Variants in RFC3 observed in about 807,000 individuals in gnomAD.
RFC3 encodes A1 38 kDa subunit.
Under a neutral mutation model 45.1 loss-of-function variants are expected in RFC3, and 41 were observed. The ratio of observed to expected loss-of-function variants is 0.91; its 90% CI spans 0.71 to 1.18. The LOEUF (loss-of-function observed/expected upper bound fraction) is 1.18, where lower values mean the gene tolerates loss of function less well. Ranked by LOEUF, RFC3 falls within the 50% of genes most tolerant of loss-of-function variation. The probability of loss-of-function intolerance (pLI) is 0.00; values close to 1 mark genes in which losing one functional copy is unlikely to be tolerated. For synonymous variants in RFC3, 149 were observed against 144.0 expected (o/e 1.03, Z -0.25); for missense variants, 423 against 428.1 (o/e 0.99, Z 0.10).
intron 8 of RFC3, among the ~76,000 whole-genome samples, chr13:33,913,336 A>G (rs1456259418): frequency 6.6e-6 from 1 of 152,114 alleles, no homozygotes; most frequent in East Asian, 1.9e-4. Context: ...AGAAAAATCT[A>G]GATGGGGCTG....
At chr13:33,976,458 T>C in the RFC3 span, among the ~76,000 whole-genome samples, 1 of 151,960 alleles carries the variant, frequency 6.6e-6, no homozygotes, top group Non-Finnish European at 1.5e-5. Context: ...GGTTAAGAGG[T>C]ACAAAAATAC....
chr13:33,915,439 C>T (rs148106423), intron 8 of RFC3, among the ~76,000 whole-genome samples: 2,211 of 152,234 alleles, frequency 0.015, 38 homozygotes, highest in Non-Finnish European at 0.024. Flanking sequence ...AATCTGAAAA[C>T]ATGCTTTGCA....
At chr13:33,891,117 G>A (rs979310835) in intron 8 of RFC3, among the ~76,000 whole-genome samples, 1 of 152,146 alleles carries the variant, frequency 6.6e-6, no homozygotes, top group South Asian at 2.1e-4. Flanking sequence ...ACTCCACCAC[G>A]TTTAGTGGTT....
At chr13:33,840,079 C>T (rs2082186478), downstream of RFC3, among the ~76,000 whole-genome samples, 1 of 152,086 alleles carries the variant, frequency 6.6e-6, no homozygotes, top group Non-Finnish European at 1.5e-5. Context: ...TAAGAAGCGT[C>T]TTGGTGCGAT....
Position 33,837,059 on chromosome 13 carries a change from G to C in RFC3, c.*764G>C. 5 of 983,424 alleles carry C rather than the reference G, an allele frequency of 5.1e-6. No individual in the cohort carries two copies. Among genetic ancestry groups the C allele is most frequent in the Non-Finnish European group, 6.0e-6 (5 of 828,164 alleles). 60.9% of individuals were successfully genotyped at this position (983,424 alleles called of 1,614,324 possible). A position where few individuals can be genotyped will look rare whatever the true frequency, so the allele number is the denominator to read the frequency against. ...ACCAAAGGGTTTACTTGACAAATTTGTGTGACAGACTCCGAACAATTCCTT... is the reference window on the plus strand; with the variant it reads ...ACCAAAGGGTTTACTTGACAAATTTCTGTGACAGACTCCGAACAATTCCTT... On this transcript the variant is annotated 3_prime_UTR_variant, in exon 9 of 9. Coordinates refer to ENST00000380071, the MANE Select transcript of RFC3 (RefSeq NM_002915.4).
chr13:33,949,166 A>G (rs1480478793), intron 8 of RFC3, among the ~76,000 whole-genome samples: 1 of 152,124 alleles, frequency 6.6e-6, no homozygotes, highest in Non-Finnish European at 1.5e-5. Flanking sequence ...AGTTTCCCCC[A>G]TGCTGCCCTC....
Position 33,823,964 on chromosome 13 carries a change from C to A in RFC3, c.273C>A (p.Tyr91Ter). ...AAATTAGCACCATTGCAAGTAACTACCACCTTGAAGTTAATCCTAGGTAAG... is the reference window on the plus strand; with the variant it reads ...AAATTAGCACCATTGCAAGTAACTAACACCTTGAAGTTAATCCTAGGTAAG... ...KIEISTIASNYHLEVNPSDAG... is the reference protein window; with the variant it reads ...KIEISTIASN The change falls in exon 3 of 9, where the codon TAC (tyrosine) becomes TAA (stop). Residue 91 changes from tyrosine (Y) to a stop codon, truncating the protein, a stop_gained. Transcript: ENST00000380071. LOFTEE classifies it high-confidence loss of function. The A allele has an allele frequency of 1.3e-6, 2 of 1,561,102 alleles. No individual in the cohort carries two copies. Among genetic ancestry groups the A allele is most frequent in the Non-Finnish European group, 1.8e-6 (2 of 1,139,048 alleles).
At chr13:33,848,019 T>G (rs936727385) in intron 8 of RFC3, 5 of 152,368 alleles carry the variant, frequency 3.3e-5, no homozygotes, top group Admixed American at 2.6e-4. Context: ...CTGGGTGACC[T>G]TATACATGCC....
intron 8 of RFC3, among the ~76,000 whole-genome samples, chr13:33,936,798 C>G (rs1460666232): frequency 6.6e-6 from 1 of 152,124 alleles, no homozygotes; most frequent in Non-Finnish European, 1.5e-5. Flanking sequence ...CATTCAATTT[C>G]TGGTACAGTT....
At chr13:33,910,930 G>T (rs2137699426) in intron 8 of RFC3, among the ~76,000 whole-genome samples, 1 of 151,964 alleles carries the variant, frequency 6.6e-6, no homozygotes, top group Middle Eastern at 3.4e-3. Context: ...CAGATCTCAT[G>T]AGAACCCTTT....
downstream of RFC3, among the ~76,000 whole-genome samples, chr13:33,839,015 CTG>C (rs1391969552): frequency 6.6e-6 from 1 of 152,242 alleles, no homozygotes; most frequent in Non-Finnish European, 1.5e-5. Flanking sequence ...ATCCTTCTGT[CTG>C]TGTAGTTTAG....
Position 33,921,265 on chromosome 13 carries a change from G to A in RFC3, c.880-44822G>A, listed in dbSNP as rs148052474. On this transcript the variant is annotated intron_variant, in intron 8 of 8. Coordinates refer to the RFC3 transcript ENST00000434425. The stretch of plus-strand genomic sequence containing the variant: ...CTATGGCAGCGGCTAAGTGCTGTCA[G>A]CAGTGAACTTCCAGCTCTGTAGCAC... Among the ~76,000 whole-genome samples the A allele has an allele frequency of 1.4e-3, 220 of 152,252 alleles. 1 individual carries two copies. The highest frequency in any genetic ancestry group is 2.6e-3 in the Non-Finnish European group (179 of 68,004).
chr13:33,921,414 C>T (rs2082768141), intron 8 of RFC3, among the ~76,000 whole-genome samples: 1 of 152,086 alleles, frequency 6.6e-6, no homozygotes, highest in South Asian at 2.1e-4. Flanking sequence ...GTGTTCCAAA[C>T]CGAGGGAAAA....
chr13:33,960,583 T>C (rs2083050531), intron 8 of RFC3, among the ~76,000 whole-genome samples: 1 of 152,224 alleles, frequency 6.6e-6, no homozygotes, highest in Non-Finnish European at 1.5e-5. Flanking sequence ...TTTCTGGTCA[T>C]GTTGGGTCAA....
At chr13:33,838,417 G>A (rs763328300), downstream of RFC3, among the ~76,000 whole-genome samples, 52 of 152,064 alleles carry the variant, frequency 3.4e-4, no homozygotes, top group Non-Finnish European at 6.5e-4. Context: ...ACCATTTATA[G>A]GATTCTTGGT....
chr13:33,877,726 A>G (rs1037125877), intron 8 of RFC3, among the ~76,000 whole-genome samples: 4 of 148,458 alleles, frequency 2.7e-5, no homozygotes, highest in East Asian at 1.9e-4. Flanking sequence ...TATATAATAT[A>G]TAATATATGG....
At chr13:33,969,892 C>T (rs1295119288), downstream of RFC3, among the ~76,000 whole-genome samples, 1 of 148,112 alleles carries the variant, frequency 6.8e-6, no homozygotes. Flanking sequence ...TATTAAGTGG[C>T]TATTTATTGT....
intron 8 of RFC3, 22 bp downstream of exon 8, chr13:33,835,239 AACTTT>A: frequency 6.6e-7 from 1 of 1,525,640 alleles, no homozygotes; most frequent in Non-Finnish European, 9.1e-7. Context: ...TCAGATCTTG[AACTTT>A]TTACAGCTAT....
At chr13:33,952,009 T>C (rs1049658560) in intron 8 of RFC3, among the ~76,000 whole-genome samples, 3 of 152,248 alleles carry the variant, frequency 2.0e-5, no homozygotes, top group Admixed American at 2.0e-4. Flanking sequence ...CATTTACATA[T>C]GTTGTAAACA....
Sources: gnomAD v4.1 joint callset for allele counts (sites outside exome capture counted in the v4.1 genomes callset) on GRCh38, gnomAD v4.1.1 for gene constraint, MANE v1.5 for transcripts, NCBI Gene and HGNC (gene_info 2026-07-23, HGNC 2026-07-21) for gene names.